Variants in WDFY3 observed in about 807,000 individuals in gnomAD.
The protein encoded by WDFY3 is WD repeat and FYVE domain-containing protein 3.
WDFY3 carries 66 observed loss-of-function variants against 409.6 expected under a neutral mutation model. The observed-to-expected ratio is 0.16, with a 90% CI of 0.13 to 0.20. The LOEUF (loss-of-function observed/expected upper bound fraction) is 0.20, where lower values mean the gene tolerates loss of function less well. WDFY3 is among the 10% of genes least tolerant of loss of function. The pLI is 1.00. For synonymous variants in WDFY3, 1,521 were observed against 1,537.1 expected (o/e 0.99, Z 0.25); for missense variants, 3,031 against 4,298.1 (o/e 0.71, Z 8.24).
chr4:84,780,980 A>G (rs942510530), intron 25 of WDFY3, among the ~76,000 whole-genome samples: 1 of 152,144 alleles, frequency 6.6e-6, no homozygotes, highest in African/African-American at 2.4e-5. Flanking sequence ...AGAGTGCCTT[A>G]CTAGCATCTG....
At chr4:84,745,020 T>C (rs1379532468) in intron 36 of WDFY3, among the ~76,000 whole-genome samples, 2 of 152,124 alleles carry the variant, frequency 1.3e-5, no homozygotes, top group Non-Finnish European at 2.9e-5. Context: ...TTGTTAAGTT[T>C]TACAATGTAC....
At chr4:84,780,636 C>T (rs1380332518) in intron 25 of WDFY3, among the ~76,000 whole-genome samples, 6 of 152,028 alleles carry the variant, frequency 3.9e-5, no homozygotes, top group African/African-American at 9.7e-5. Context: ...TGGTTGCACG[C>T]GCCTACAATC....
intron 1 of WDFY3, among the ~76,000 whole-genome samples, chr4:84,964,664 G>C (rs1009896305): frequency 1.3e-5 from 2 of 152,008 alleles, no homozygotes; most frequent in African/African-American, 4.8e-5. Flanking sequence ...CTCCTTTTTG[G>C]AGGTGATACA....
intron 33 of WDFY3, among the ~76,000 whole-genome samples, chr4:84,756,083 A>G (rs1741386141): frequency 6.6e-6 from 1 of 152,206 alleles, no homozygotes; most frequent in African/African-American, 2.4e-5. Flanking sequence ...TGCCACAAAC[A>G]TAAGCTATAT....
intron 6 of WDFY3, 28 bp from the exon 7 acceptor site, chr4:84,837,118 A>G: frequency 2.1e-6 from 3 of 1,460,916 alleles, no homozygotes; most frequent in Non-Finnish European, 2.7e-6. Flanking sequence ...AAATAAGTGA[A>G]TAGATAGACA....
intron 25 of WDFY3, 85 bp downstream of exon 25, chr4:84,782,878 A>C: frequency 8.2e-7 from 1 of 1,219,522 alleles, no homozygotes; most frequent in Non-Finnish European, 1.2e-6. Flanking sequence ...ATATGAACTT[A>C]AATACTGCCC....
At position 84,864,870 on chromosome 4, in the gene WDFY3, G is replaced by C. The variant is rs187782863; in HGVS notation, c.-31-4248C>G. On this transcript the variant is annotated intron_variant, in intron 3 of 67. Coordinates refer to ENST00000295888, the MANE Select transcript of WDFY3 (RefSeq NM_014991.6). ...AGAATGTGAAAATAATCTTTTTTGAGTTTTCTGAAATACATAAATCTTTTT... is the reference window on the plus strand; with the variant it reads ...AGAATGTGAAAATAATCTTTTTTGACTTTTCTGAAATACATAAATCTTTTT... Among the ~76,000 whole-genome samples the C allele has an allele frequency of 5.6e-3, 850 of 151,996 alleles. 12 individuals are homozygous for C. The highest frequency in any genetic ancestry group is 0.02 in the African/African-American group (813 of 41,434).
intron 2 of WDFY3, among the ~76,000 whole-genome samples, chr4:84,913,373 T>C (rs375789141): frequency 2.6e-5 from 4 of 152,172 alleles, no homozygotes; most frequent in Admixed American, 2.0e-4. Flanking sequence ...TGTTCCCAGA[T>C]GTTGTGCACG....
chr4:84,671,521 A>C lies in WDFY3; in HGVS notation c.*1347T>G, dbSNP rs1192062427. ...ATATATATATATATGTACATAACAC[A>C]CATTTAAAAAAATCCCACCACCAAG... On this transcript the variant is annotated 3_prime_UTR_variant, in exon 68 of 68. Transcript: ENST00000295888. 2 of 150,814 alleles carry C rather than the reference A, an allele frequency of 1.3e-5. No homozygotes were observed. The highest frequency in any genetic ancestry group is 3.0e-5 in the Non-Finnish European group (2 of 67,660). 9.3% of individuals were successfully genotyped at this position (150,814 alleles called of 1,614,324 possible). A position where few individuals can be genotyped will look rare whatever the true frequency, so the allele number is the denominator to read the frequency against.
At chr4:84,738,947 A>C in intron 40 of WDFY3, 63 bp downstream of exon 40, 2 of 1,560,802 alleles carry the variant, frequency 1.3e-6, no homozygotes, top group Non-Finnish European at 1.8e-6. Flanking sequence ...TTTGTTGGTT[A>C]TGTCTTAAAA....
rs181859226 is a variant in WDFY3, at chr4:84,704,235, C to T, written c.8442+103G>A. On this transcript the variant is annotated intron_variant, in intron 55 of 67. Coordinates refer to ENST00000295888, the MANE Select transcript of WDFY3 (RefSeq NM_014991.6). ...TGTAACTACTTTGTCACTAAAATTT[C>T]GCAGAGCTTCTTATAATAGAAGATA... The T allele has an allele frequency of 1.2e-4, 100 of 847,210 alleles. 1 individual carries two copies. The East Asian group carries it at 2.0e-3, about 17-fold the overall frequency. The allele number at this position is 847,210 out of a possible 1,614,324, so 52.5% of individuals were successfully genotyped here.
rs777990979 is a variant in WDFY3, at chr4:84,787,593, G to A, written c.3790C>T (p.Arg1264Cys). The A allele has an allele frequency of 4.3e-6, 7 of 1,614,018 alleles. No homozygotes were observed. The highest frequency in any genetic ancestry group is 5.9e-6 in the Non-Finnish European group (7 of 1,180,044). ...TCTAGAAAATGTGTGGGTCCCAGGCGCCAAACCAATGAGGCAATTTGGCGT... is the reference window on the plus strand; with the variant it reads ...TCTAGAAAATGTGTGGGTCCCAGGCACCAAACCAATGAGGCAATTTGGCGT... Reference protein sequence around the residue: ...AQRQIASLVWRLGPTHFLEEV... With the variant: ...AQRQIASLVWCLGPTHFLEEV... The change falls in exon 23 of 68, where the codon CGC becomes TGC. Residue 1264 changes from arginine to cysteine, a missense_variant. By Grantham distance (180) the Arg-to-Cys change is radical. Transcript: ENST00000295888.
chr4:84,887,805 A>G (rs1188064461), intron 3 of WDFY3, among the ~76,000 whole-genome samples: 1 of 152,220 alleles, frequency 6.6e-6, no homozygotes, highest in African/African-American at 2.4e-5. Context: ...TCTTTATGAA[A>G]TACCTTTACT....
At chr4:84,800,064 A>G (rs554412950) in intron 17 of WDFY3, among the ~76,000 whole-genome samples, 1 of 152,348 alleles carries the variant, frequency 6.6e-6, no homozygotes, top group East Asian at 1.9e-4. Flanking sequence ...TGCTATTTTC[A>G]AAACTTTAGG....
chr4:84,846,702 C>T (rs527624452), intron 5 of WDFY3, among the ~76,000 whole-genome samples: 3 of 150,920 alleles, frequency 2.0e-5, no homozygotes, highest in East Asian at 3.9e-4. Context: ...CATTAAAATG[C>T]TTGTAAACGT....
Position 84,753,875 on chromosome 4 carries a change from G to A in WDFY3, c.5561C>T (p.Pro1854Leu). 2 of 1,585,292 alleles carry A rather than the reference G, an allele frequency of 1.3e-6. No individual in the cohort carries two copies. The highest frequency in any genetic ancestry group is 1.7e-6 in the Non-Finnish European group (2 of 1,168,364). Residue 1854 changes from proline to leucine, a missense_variant and splice_region_variant, in exon 35 of 68, where the codon CCT becomes CTT. Coordinates refer to ENST00000295888, the MANE Select transcript of WDFY3 (RefSeq NM_014991.6). Reference protein sequence around the residue: ...LGMLRSMLTSPWQSEEEGSWL... With the variant: ...LGMLRSMLTSLWQSEEEGSWL... ...AGATCCCTCTTCTTCTGATTGCCAA[G>A]GCTGTTATGGGGACATGAGAGGAAA...
intron 4 of WDFY3, among the ~76,000 whole-genome samples, chr4:84,856,944 A>C (rs1759839154): frequency 6.6e-6 from 1 of 152,182 alleles, no homozygotes; most frequent in East Asian, 1.9e-4. Flanking sequence ...AGATATGGCT[A>C]TATATTTCTA....
intron 2 of WDFY3, among the ~76,000 whole-genome samples, chr4:84,923,751 C>T (rs904671745): frequency 2.6e-5 from 4 of 152,158 alleles, no homozygotes; most frequent in African/African-American, 9.6e-5. Context: ...GTAATCCCAG[C>T]ACTTTGGGAG....
intron 10 of WDFY3, among the ~76,000 whole-genome samples, chr4:84,822,020 T>C (rs2149828586): frequency 6.6e-6 from 1 of 152,312 alleles, no homozygotes; most frequent in Non-Finnish European, 1.5e-5. Context: ...TTTTCCTTTA[T>C]AATTAGAACA....
Sources: gnomAD v4.1 joint callset for allele counts (sites outside exome capture counted in the v4.1 genomes callset) on GRCh38, gnomAD v4.1.1 for gene constraint, MANE v1.5 for transcripts, NCBI Gene and HGNC (gene_info 2026-07-23, HGNC 2026-07-21) for gene names.